Variants in GPHN observed in about 807,000 individuals in gnomAD.
GPHN encodes the protein gephyrin.
In GPHN, 17 loss-of-function variants were observed where a neutral mutation model predicts 95.5. That is an observed-to-expected ratio of 0.18 (90% CI 0.12 to 0.27). The LOEUF (loss-of-function observed/expected upper bound fraction) is 0.27. Ranked by LOEUF, GPHN falls within the 10% of genes least tolerant of loss-of-function variation. The probability of loss-of-function intolerance (pLI) is 1.00; values close to 1 mark genes in which losing one functional copy is unlikely to be tolerated. For missense variants in GPHN, 660 were observed against 978.1 expected, an observed-to-expected ratio of 0.67 and a Z score of 4.34; for synonymous variants, 320 against 322.5, an observed-to-expected ratio of 0.99 and a Z score of 0.08.
intron 1 of GPHN, among the ~76,000 whole-genome samples, chr14:66,581,090 A>G (rs1248239256): frequency 1.3e-5 from 2 of 151,806 alleles, no homozygotes; most frequent in African/African-American, 4.8e-5. Context: ...CAGAAAAAGC[A>G]TTAGAGAAAC....
chr14:66,672,220 T>TA (rs2066337174), intron 1 of GPHN, among the ~76,000 whole-genome samples: 1 of 152,224 alleles, frequency 6.6e-6, no homozygotes, highest in Non-Finnish European at 1.5e-5. Flanking sequence ...GTGTTTTGTT[T>TA]AATCTATAGG....
intron 11 of GPHN, among the ~76,000 whole-genome samples, chr14:67,059,862 A>ATTTTTTGTATTT (rs2075754739): frequency 1.3e-5 from 2 of 152,006 alleles, no homozygotes; most frequent in Non-Finnish European, 2.9e-5. Context: ...TTTTTCTTTT[A>ATTTTTTGTATTT]CTCCTCAATA....
chr14:66,711,220 T>G (rs1266668435), intron 2 of GPHN, among the ~76,000 whole-genome samples: 2 of 152,132 alleles, frequency 1.3e-5, no homozygotes, highest in African/African-American at 2.4e-5. Flanking sequence ...GTCATTAAAG[T>G]CTGTTGTATC....
chr14:66,540,892 ACCT>A (rs1299248806), intron 1 of GPHN, among the ~76,000 whole-genome samples: 1 of 151,380 alleles, frequency 6.6e-6, no homozygotes, highest in Admixed American at 6.6e-5. Context: ...TCACGCCTCA[ACCT>A]CCTGAGTAGC....
At chr14:66,962,780 T>A (rs1355463538) in intron 8 of GPHN, among the ~76,000 whole-genome samples, 2 of 151,880 alleles carry the variant, frequency 1.3e-5, no homozygotes. Context: ...TTCTTCTTTT[T>A]TCCATTGCCT....
chr14:67,366,227 T>C, the GPHN span, among the ~76,000 whole-genome samples: 655 of 152,186 alleles, frequency 4.3e-3, 5 homozygotes, highest in Non-Finnish European at 7.7e-3. Context: ...ACTACAGGCA[T>C]GTGCCACCCT....
chr14:66,895,683 G>T (rs532866889), intron 5 of GPHN, among the ~76,000 whole-genome samples: 4 of 152,102 alleles, frequency 2.6e-5, no homozygotes, highest in Non-Finnish European at 5.9e-5. Flanking sequence ...TTCAAGAATG[G>T]GGGAGGATGA....
intron 10 of GPHN, among the ~76,000 whole-genome samples, chr14:67,057,221 G>A (rs1057101154): frequency 6.6e-6 from 1 of 152,200 alleles, no homozygotes; most frequent in African/African-American, 2.4e-5. Flanking sequence ...CTAGCATATT[G>A]TCACCTCTCA....
At chr14:67,727,761 C>A in the GPHN span, 1 of 173,448 alleles carries the variant, frequency 5.8e-6, no homozygotes, top group Non-Finnish European at 1.2e-5. Flanking sequence ...ATTATTACTC[C>A]TAGTTTATAG....
chr14:67,395,662 G>T, the GPHN span: 1 of 1,223,972 alleles, frequency 8.2e-7, no homozygotes, highest in Non-Finnish European at 1.2e-6. Flanking sequence ...ACGGGGCCCC[G>T]GGAGAATCTA....
At position 67,144,282 on chromosome 14, in the gene GPHN, T is replaced by TAC. The variant is rs1567401129; in HGVS notation, c.1836+834_1836+835insCA. Reference sequence around the variant, plus strand: ...ATATATATATATATATATATATATATATATACACACACACATACACAAATA... The same window carrying TAC: ...ATATATATATATATATATATATATATACATATACACACACACATACACAAATA... On this transcript the variant is annotated intron_variant, in intron 18 of 22. Transcript: ENST00000478722. Among the ~76,000 whole-genome samples, 155 of 111,336 alleles carry TAC rather than the reference T, an allele frequency of 1.4e-3. 18 individuals carry two copies. Among genetic ancestry groups the TAC allele is most frequent in the African/African-American group, 5.3e-3 (146 of 27,474 alleles). 73.0% of individuals were successfully genotyped at this position (111,336 alleles called of 152,430 possible).
the GPHN span, among the ~76,000 whole-genome samples, chr14:67,448,120 C>CTTTTTTTTTTTTTTTTT: frequency 5.5e-5 from 2 of 36,050 alleles, 1 homozygote; most frequent in African/African-American, 2.0e-4. Flanking sequence ...ATAGCCCATT[C>CTTTTTTTTTTTTTTTTT]TTTTTTTTTT....
At chr14:66,523,932 G>C (rs968121446) in intron 1 of GPHN, among the ~76,000 whole-genome samples, 1 of 152,080 alleles carries the variant, frequency 6.6e-6, no homozygotes, top group Non-Finnish European at 1.5e-5. Flanking sequence ...GGTTCTGCTT[G>C]ATCTAAATTC....
At chr14:67,114,225 T>C (rs2078543548) in intron 16 of GPHN, among the ~76,000 whole-genome samples, 1 of 152,232 alleles carries the variant, frequency 6.6e-6, no homozygotes, top group South Asian at 2.1e-4. Flanking sequence ...TTCTTTTCAA[T>C]TTGATCTACA....
At chr14:66,568,485 T>C (rs1357223743) in intron 1 of GPHN, among the ~76,000 whole-genome samples, 1 of 152,172 alleles carries the variant, frequency 6.6e-6, no homozygotes, top group Admixed American at 6.5e-5. Flanking sequence ...GGAGAAAATA[T>C]ATGGTTATTC....
intron 1 of GPHN, among the ~76,000 whole-genome samples, chr14:66,604,834 T>C (rs1242670893): frequency 6.6e-6 from 1 of 151,964 alleles, no homozygotes; most frequent in Non-Finnish European, 1.5e-5. Context: ...AGGTAGTTTT[T>C]CAGCCCATTT....
At chr14:66,518,979 TTGAA>T (rs2139784694) in intron 1 of GPHN, among the ~76,000 whole-genome samples, 1 of 152,108 alleles carries the variant, frequency 6.6e-6, no homozygotes, top group Admixed American at 6.6e-5. Context: ...AAGGAGGATA[TTGAA>T]TGTTCTCAAC....
the GPHN span, among the ~76,000 whole-genome samples, chr14:67,583,122 T>C: frequency 2.0e-5 from 3 of 152,078 alleles, no homozygotes; most frequent in Non-Finnish European, 2.9e-5. Context: ...AAATTAAAAA[T>C]TTTTAAAAAA....
the GPHN span, among the ~76,000 whole-genome samples, chr14:67,559,316 C>T: frequency 1.3e-5 from 2 of 152,162 alleles, no homozygotes; most frequent in African/African-American, 2.4e-5. Flanking sequence ...GATTTCTACT[C>T]CTCACTATTA....
Sources: gnomAD v4.1 joint callset for allele counts (sites outside exome capture counted in the v4.1 genomes callset) on GRCh38, gnomAD v4.1.1 for gene constraint, MANE v1.5 for transcripts, NCBI Gene and HGNC (gene_info 2026-07-23, HGNC 2026-07-21) for gene names.